The following PPFIBP1 variants were observed in gnomAD, a reference collection of about 807,000 sequenced individuals.
The protein encoded by PPFIBP1 is PPFIB scaffold protein 1.
Under a neutral mutation model 137.8 loss-of-function variants are expected in PPFIBP1, and 112 were observed. The observed-to-expected ratio is 0.81, with a 90% confidence interval of 0.70 to 0.95. The LOEUF (loss-of-function observed/expected upper bound fraction) is 0.95, where lower values mean the gene tolerates loss of function less well. Among genes scored for constraint, PPFIBP1 ranks in the 40% least tolerant of loss-of-function variants. PPFIBP1 has a pLI of 0.00. For missense variants in PPFIBP1, 1,083 were observed against 1,196.6 expected (o/e 0.91, Z 1.40); for synonymous variants, 378 against 417.3 (o/e 0.91, Z 1.15).
intron 26 of PPFIBP1, 104 bp downstream of exon 26, chr12:27,688,527 T>C (rs2061329698): frequency 5.2e-6 from 7 of 1,344,452 alleles, no homozygotes. Flanking sequence ...GTCATCTGAC[T>C]CAACCCTCCT....
At chr12:27,570,782 G>A (rs1042483579) in intron 1 of PPFIBP1, among the ~76,000 whole-genome samples, 7 of 152,146 alleles carry the variant, frequency 4.6e-5, no homozygotes, top group East Asian at 3.9e-4. Flanking sequence ...TTGTGGTGGC[G>A]GGCGCCTGTA....
intron 2 of PPFIBP1, among the ~76,000 whole-genome samples, chr12:27,595,732 T>TA (rs1565836962): frequency 6.6e-6 from 1 of 151,744 alleles, no homozygotes; most frequent in East Asian, 1.9e-4. Flanking sequence ...CCCATGCCTG[T>TA]AATCCCAGCT....
intron 15 of PPFIBP1, 57 bp from the exon 16 acceptor site, chr12:27,673,710 T>A: frequency 6.9e-7 from 1 of 1,447,354 alleles, no homozygotes; most frequent in Admixed American, 1.8e-5. Context: ...GATGTTTTAC[T>A]TAGAAACAGT....
intron 2 of PPFIBP1, among the ~76,000 whole-genome samples, chr12:27,584,996 C>T (rs182668695): frequency 3.0e-4 from 45 of 152,294 alleles, no homozygotes; most frequent in Admixed American, 2.6e-3. Context: ...TATATCATTT[C>T]CTGCCCACTG....
At chr12:27,561,391 C>G (rs1012316827) in intron 1 of PPFIBP1, among the ~76,000 whole-genome samples, 2 of 152,086 alleles carry the variant, frequency 1.3e-5, no homozygotes, top group Non-Finnish European at 2.9e-5. Context: ...AAAGGAAGCT[C>G]CAAGAAAGCT....
chr12:27,612,328 G>GTTTTTTT lies in PPFIBP1; in HGVS notation c.-35-21017_-35-21011dup, dbSNP rs1173958726. Among the ~76,000 whole-genome samples the GTTTTTTT allele has an allele frequency of 6.1e-3, 529 of 87,244 alleles. 24 individuals carry two copies. Among genetic ancestry groups the GTTTTTTT allele is most frequent in the Non-Finnish European group, 8.0e-3 (370 of 46,462 alleles). 57.2% of individuals were successfully genotyped at this position (87,244 alleles called of 152,430 possible). A position where few individuals can be genotyped will look rare whatever the true frequency, so the allele number is the denominator to read the frequency against. On this transcript the variant is annotated intron_variant, in intron 2 of 29. Coordinates refer to ENST00000228425, the MANE Select transcript of PPFIBP1 (RefSeq NM_003622.4). ...TATGCTCCATCTGTACTTTATTGGT[G>GTTTTTTT]TTTTTTTTTTTTTTTTTTTTTTTGA...
intron 2 of PPFIBP1, among the ~76,000 whole-genome samples, chr12:27,625,179 G>T (rs1210344244): frequency 6.6e-6 from 1 of 152,124 alleles, no homozygotes; most frequent in African/African-American, 2.4e-5. Flanking sequence ...AGCCCAGAGA[G>T]GTTGAGGCTG....
rs1592701975 is a variant in PPFIBP1, at chr12:27,593,503, T to C, written c.-36+15264T>C. The C allele has an allele frequency of 1.2e-5, 5 of 433,148 alleles. No homozygotes were observed. In the East Asian group the frequency reaches 2.7e-4, roughly 24 times the overall value. The allele number at this position is 433,148 out of a possible 1,614,324, so 26.8% of individuals were successfully genotyped here. On this transcript the variant is annotated intron_variant, in intron 2 of 29. Transcript: ENST00000228425. ...CTTGGGCAGGTCTTGACAAGCATCATGTTCTTGATGACTGACCTGAACCAT... is the reference window on the plus strand; with the variant it reads ...CTTGGGCAGGTCTTGACAAGCATCACGTTCTTGATGACTGACCTGAACCAT...
At chr12:27,613,659 C>T (rs1367323681) in intron 2 of PPFIBP1, among the ~76,000 whole-genome samples, 3 of 150,444 alleles carry the variant, frequency 2.0e-5, no homozygotes, top group African/African-American at 7.4e-5. Flanking sequence ...GCCCAGATCT[C>T]GCCACTGCAC....
intron 10 of PPFIBP1, among the ~76,000 whole-genome samples, 172 bp downstream of exon 10, chr12:27,659,020 A>G (rs767162184): frequency 6.6e-6 from 1 of 152,224 alleles, no homozygotes; most frequent in Non-Finnish European, 1.5e-5. Flanking sequence ...ATAAAACAAT[A>G]AGGTAAAAGA....
chr12:27,686,831 G>A (rs1317587120), intron 24 of PPFIBP1, among the ~76,000 whole-genome samples: 1 of 151,396 alleles, frequency 6.6e-6, no homozygotes, highest in Admixed American at 6.6e-5. Flanking sequence ...GAGCCTAGGA[G>A]TTTGAGATAG....
At chr12:27,621,399 A>G (rs1456923787) in intron 2 of PPFIBP1, among the ~76,000 whole-genome samples, 1 of 152,200 alleles carries the variant, frequency 6.6e-6, no homozygotes, top group African/African-American at 2.4e-5. Context: ...AGTGCTATTC[A>G]CTCAGAACTG....
intron 17 of PPFIBP1, among the ~76,000 whole-genome samples, chr12:27,675,043 T>C (rs976278941): frequency 9.9e-5 from 15 of 151,854 alleles, no homozygotes; most frequent in Admixed American, 5.9e-4. Context: ...GATCTTGTCA[T>C]GTTGCCTAGG....
intron 13 of PPFIBP1, 88 bp from the exon 14 acceptor site, chr12:27,671,343 C>A: frequency 1.4e-6 from 1 of 692,658 alleles, no homozygotes. Flanking sequence ...GTCAATAGAC[C>A]GTTTAATTTT....
intron 11 of PPFIBP1, among the ~76,000 whole-genome samples, chr12:27,663,450 T>C (rs1400077353): frequency 6.6e-6 from 1 of 151,832 alleles, no homozygotes; most frequent in Non-Finnish European, 1.5e-5. Context: ...GGTCAAAGGA[T>C]TGAGAAATAA....
chr12:27,682,491 G>C lies in PPFIBP1; in HGVS notation c.2151G>C (p.Trp717Cys). ...ETNHGKLDFN[W>C]VTRWLDDIGL... ...ATCATGGGAAGCTGGATTTCAACTGGGTCACTAGTAAGAAGTTTTTATTCT... is the reference window on the plus strand; with the variant it reads ...ATCATGGGAAGCTGGATTTCAACTGCGTCACTAGTAAGAAGTTTTTATTCT... The change falls in exon 23 of 30, where the codon TGG becomes TGC. Residue 717 changes from tryptophan (W) to cysteine (C), a missense_variant. Coordinates refer to ENST00000228425, the MANE Select transcript of PPFIBP1 (RefSeq NM_003622.4). 1 of 1,612,700 alleles carries C rather than the reference G, an allele frequency of 6.2e-7. No individual in the cohort carries two copies. Among genetic ancestry groups the C allele is most frequent in the South Asian group, 1.1e-5 (1 of 91,004 alleles).
intron 1 of PPFIBP1, among the ~76,000 whole-genome samples, chr12:27,530,382 C>T (rs1329857767): frequency 6.6e-6 from 1 of 152,144 alleles, no homozygotes; most frequent in Non-Finnish European, 1.5e-5. Context: ...TGTGAAGTCA[C>T]CTGAATCTCG....
chr12:27,553,136 C>G (rs762455775), intron 1 of PPFIBP1, among the ~76,000 whole-genome samples: 3 of 152,156 alleles, frequency 2.0e-5, no homozygotes, highest in Non-Finnish European at 2.9e-5. Flanking sequence ...GATAACTGAA[C>G]TTAACTCATT....
At chr12:27,654,916 G>T (rs980435441) in intron 8 of PPFIBP1, 102 bp downstream of exon 8, 1 of 1,446,072 alleles carries the variant, frequency 6.9e-7, no homozygotes, top group African/African-American at 1.4e-5. Context: ...GTATGATAAA[G>T]AAGGTATTTT....
Sources: allele counts gnomAD v4.1 joint callset (sites outside exome capture counted in the v4.1 genomes callset), GRCh38; gene constraint gnomAD v4.1.1; transcripts MANE v1.5; gene names NCBI Gene and HGNC (gene_info 2026-07-23, HGNC 2026-07-21).